JARID2: variants seen among roughly 807,000 people sequenced by gnomAD.
JARID2 encodes jumonji and AT-rich interaction domain containing 2.
In JARID2, 21 loss-of-function variants were observed where a neutral mutation model predicts 125.6. The ratio of observed to expected loss-of-function variants is 0.17; its 90% CI spans 0.12 to 0.24. The LOEUF (loss-of-function observed/expected upper bound fraction) is 0.24, where lower values mean the gene tolerates loss of function less well. JARID2 is among the 10% of genes least tolerant of loss of function. The pLI, the probability that JARID2 is intolerant of heterozygous loss-of-function variation, is 1.00. For synonymous variants in JARID2, 736 were observed against 661.6 expected (o/e 1.11, Z -1.73); for missense variants, 1,303 against 1,639.6 (o/e 0.79, Z 3.55).
chr6:15,451,979 A>G (rs1767940013), intron 3 of JARID2, 27 bp from the exon 4 acceptor site: 6 of 1,609,540 alleles, frequency 3.7e-6, no homozygotes, highest in Non-Finnish European at 5.1e-6. Context: ...TGCTTAATTT[A>G]TTTTTAATTT....
intron 12 of JARID2, chr6:15,509,477 T>A (rs567836062): frequency 2.4e-6 from 1 of 414,194 alleles, no homozygotes; most frequent in African/African-American, 2.2e-5. Flanking sequence ...CCCACATGGG[T>A]CTGTGTGCCA....
At position 15,507,203 on chromosome 6, in the gene JARID2, C is replaced by T; in HGVS notation, c.2609C>T (p.Thr870Ile). The change falls in exon 10 of 18, where the codon ACC becomes ATC. Residue 870 changes from threonine to isoleucine, a missense_variant. This residue lies in a region of JARID2 where 27 missense variants were observed against 108.7 expected (regional missense o/e 0.25). Coordinates refer to ENST00000341776, the MANE Select transcript of JARID2 (RefSeq NM_004973.4). ...HVAVHCGKVD[T>I]NTHGSGFPVG... ...GCAGTGCACTGCGGCAAGGTGGACA[C>T]CAACACTCACGGCAGTGGATTCCCA... is the stretch of plus-strand genomic sequence containing the variant. The T allele has an allele frequency of 6.2e-7, 1 of 1,614,028 alleles. No homozygotes were observed. The highest frequency in any genetic ancestry group is 8.5e-7 in the Non-Finnish European group (1 of 1,179,870).
intron 6 of JARID2, among the ~76,000 whole-genome samples, chr6:15,493,750 G>T (rs1015982724): frequency 7.4e-6 from 1 of 134,960 alleles, no homozygotes; most frequent in South Asian, 2.5e-4. Flanking sequence ...TAAATGTTTT[G>T]TCTTGTTTTG....
intron 3 of JARID2, among the ~76,000 whole-genome samples, chr6:15,451,156 G>A (rs559411746): frequency 1.2e-4 from 19 of 152,240 alleles, no homozygotes; most frequent in African/African-American, 4.6e-4. Flanking sequence ...AACAAACAAA[G>A]AAACAAACAA....
chr6:15,496,577 A>G lies in JARID2; in HGVS notation c.1352A>G (p.Glu451Gly), dbSNP rs1189548443. The change falls in exon 7 of 18, where the codon GAG becomes GGG. Residue 451 changes from glutamate to glycine, a missense_variant. Physicochemically the swap from Glu to Gly is moderately conservative, Grantham distance 98 (BLOSUM62 -2). Coordinates refer to ENST00000341776, the MANE Select transcript of JARID2 (RefSeq NM_004973.4). ...AGACTGGAAGAGGCACACCAGGCGG[A>G]GAAGCCGCAGTCGCCCCCCAAGAAG... ...KRRLEEAHQA[E>G]KPQSPPKKMK... 2 of 1,604,158 alleles carry G rather than the reference A, an allele frequency of 1.2e-6. No individual in the cohort carries two copies. The highest frequency in any genetic ancestry group is 4.5e-5 in the East Asian group (2 of 44,786).
chr6:15,507,288 G>T (rs1771050343), intron 10 of JARID2, 34 bp downstream of exon 10: 1 of 1,603,942 alleles, frequency 6.2e-7, no homozygotes, highest in Non-Finnish European at 8.5e-7. Context: ...GGTTCTTGGG[G>T]ATGTGACTGC....
chr6:15,494,985 G>A (rs1411958188), intron 6 of JARID2, among the ~76,000 whole-genome samples: 1 of 152,186 alleles, frequency 6.6e-6, no homozygotes, highest in Admixed American at 6.5e-5. Flanking sequence ...CAGTAATTTT[G>A]TGATTTTTAG....
intron 2 of JARID2, among the ~76,000 whole-genome samples, chr6:15,389,712 CTT>C (rs1253883944): frequency 2.0e-5 from 3 of 152,226 alleles, no homozygotes; most frequent in African/African-American, 7.2e-5. Context: ...TGCCTGAACT[CTT>C]TTTATAAATG....
chr6:15,477,079 A>G (rs949972116), intron 5 of JARID2, among the ~76,000 whole-genome samples: 4 of 152,186 alleles, frequency 2.6e-5, no homozygotes, highest in African/African-American at 7.2e-5. Flanking sequence ...TTTTGTGCAT[A>G]TCGTTTTCTG....
Position 15,520,500 on chromosome 6 carries a change from C to T in JARID2, c.*249C>T, listed in dbSNP as rs1170543983. 7.5e-6 allele frequency: 3 copies of T among 397,960 alleles called. No homozygotes were observed. The highest frequency in any genetic ancestry group is 8.5e-5 in the Admixed American group (2 of 23,506). 24.7% of individuals were successfully genotyped at this position (397,960 alleles called of 1,614,324 possible). A position where few individuals can be genotyped will look rare whatever the true frequency, so the allele number is the denominator to read the frequency against. Reference sequence around the variant, plus strand: ...CACTGTTTTAAAAACCCCGGAGGGGCTGTATTAATTTGTATTGCCCCATGG... The same window carrying T: ...CACTGTTTTAAAAACCCCGGAGGGGTTGTATTAATTTGTATTGCCCCATGG... On this transcript the variant is annotated 3_prime_UTR_variant, in exon 18 of 18. Coordinates refer to ENST00000341776, the MANE Select transcript of JARID2 (RefSeq NM_004973.4).
chr6:15,390,338 T>C (rs1213808074), intron 2 of JARID2, among the ~76,000 whole-genome samples: 1 of 152,040 alleles, frequency 6.6e-6, no homozygotes, highest in Non-Finnish European at 1.5e-5. Context: ...ACAGTGCTTG[T>C]TGGTGTGGGG....
intron 1 of JARID2, among the ~76,000 whole-genome samples, chr6:15,283,841 G>T (rs931453325): frequency 2.0e-5 from 3 of 151,826 alleles, no homozygotes; most frequent in Admixed American, 6.6e-5. Context: ...GAGTAGCTGG[G>T]ACTACAGGCG....
intron 2 of JARID2, chr6:15,400,799 A>G (rs893816380): frequency 1.1e-4 from 104 of 984,782 alleles, no homozygotes; most frequent in East Asian, 2.3e-4. Context: ...TGGCCGTCCT[A>G]TTGCCGCGCG....
At chr6:15,310,631 T>A (rs994058061) in intron 1 of JARID2, among the ~76,000 whole-genome samples, 2 of 152,142 alleles carry the variant, frequency 1.3e-5, no homozygotes, top group Admixed American at 1.3e-4. Flanking sequence ...GGGATGCCCT[T>A]CTACATAAGC....
intron 3 of JARID2, among the ~76,000 whole-genome samples, chr6:15,419,062 G>A (rs969288368): frequency 6.6e-6 from 1 of 151,844 alleles, no homozygotes; most frequent in Non-Finnish European, 1.5e-5. Flanking sequence ...TAAGTGCCTA[G>A]TTTTTACTCA....
chr6:15,261,495 T>G lies in JARID2; in HGVS notation c.45+14911T>G, dbSNP rs372011663. 3.0e-4 allele frequency among the ~76,000 whole-genome samples: 45 copies of G among 151,832 alleles called. No individual in the cohort carries two copies. In the East Asian group the frequency reaches 7.8e-3, roughly 26 times the overall value. On this transcript the variant is annotated intron_variant, in intron 1 of 17. Transcript: ENST00000341776. ...ACGACACCCACCTAAATTTTGTGTTTTTTGTAGAGACAGGGTTTCACCATG... is the reference window on the plus strand; with the variant it reads ...ACGACACCCACCTAAATTTTGTGTTGTTTGTAGAGACAGGGTTTCACCATG...
chr6:15,391,112 A>G (rs1258197451), intron 2 of JARID2, among the ~76,000 whole-genome samples: 1 of 150,168 alleles, frequency 6.7e-6, no homozygotes, highest in Non-Finnish European at 1.5e-5. Context: ...GTCATGAAGC[A>G]GGACACCTAA....
chr6:15,382,365 G>A (rs761527900), intron 2 of JARID2, among the ~76,000 whole-genome samples: 8 of 152,210 alleles, frequency 5.3e-5, no homozygotes, highest in Admixed American at 2.6e-4. Flanking sequence ...AGGAAACGTT[G>A]TATATCCATG....
chr6:15,269,025 A>G (rs1007588822), intron 1 of JARID2, among the ~76,000 whole-genome samples: 2 of 152,190 alleles, frequency 1.3e-5, no homozygotes, highest in South Asian at 4.1e-4. Context: ...TTAAAGGCCT[A>G]CTTGTCTGGT....
Sources: allele counts gnomAD v4.1 joint callset (sites outside exome capture counted in the v4.1 genomes callset), GRCh38; gene constraint gnomAD v4.1.1; regional missense constraint gnomAD v4.1.1; transcripts MANE v1.5; gene names NCBI Gene and HGNC (gene_info 2026-07-23, HGNC 2026-07-21).